The following CYB5R4 variants were observed in gnomAD, a reference collection of about 807,000 sequenced individuals.
CYB5R4 encodes N-terminal cytochrome b5 and cytochrome b5 oxidoreductase domain-containing protein.
Under a neutral mutation model 70.2 loss-of-function variants are expected in CYB5R4, and 55 were observed. The ratio of observed to expected loss-of-function variants is 0.78; its 90% CI spans 0.63 to 0.98. The LOEUF (loss-of-function observed/expected upper bound fraction) is 0.98. Ranked by LOEUF, CYB5R4 falls within the 50% of genes least tolerant of loss-of-function variation. The pLI is 0.00. For missense variants in CYB5R4, 562 were observed against 612.6 expected (o/e 0.92, Z 0.87); for synonymous variants, 197 against 199.5 (o/e 0.99, Z 0.11).
At chr6:83,872,331 C>T (rs1211186182) in intron 2 of CYB5R4, among the ~76,000 whole-genome samples, 2 of 152,056 alleles carry the variant, frequency 1.3e-5, no homozygotes, top group East Asian at 1.9e-4. Context: ...ATGCTATGTG[C>T]TAAGTGTTAA....
intron 2 of CYB5R4, among the ~76,000 whole-genome samples, chr6:83,876,531 A>C (rs1453852769): frequency 6.9e-6 from 1 of 144,230 alleles, no homozygotes; most frequent in Non-Finnish European, 1.5e-5. Context: ...CTAAGGGTTT[A>C]TGATATACAT....
intron 4 of CYB5R4, among the ~76,000 whole-genome samples, chr6:83,911,416 TG>T (rs1437106948): frequency 1.3e-5 from 2 of 152,068 alleles, no homozygotes; most frequent in Non-Finnish European, 2.9e-5. Flanking sequence ...GAATACAGAA[TG>T]GTAAATTTAG....
intron 10 of CYB5R4, among the ~76,000 whole-genome samples, chr6:83,932,619 G>A (rs951731887): frequency 1.5e-4 from 23 of 152,042 alleles, no homozygotes; most frequent in African/African-American, 4.8e-4. Context: ...GTATTGCAAG[G>A]CCACGAAGTA....
rs1475511252 is a variant in CYB5R4 at position 83,961,232 on chromosome 6, C to T, written c.*1354C>T. ...CCAATTCCACCATCATCATTATTCA[C>T]AAAGACAGGAATCTAGCTGTCCTGG... On this transcript the variant is annotated 3_prime_UTR_variant, in exon 16 of 16. Coordinates refer to ENST00000369681, the MANE Select transcript of CYB5R4 (RefSeq NM_016230.4). 1 of 152,188 alleles carries T rather than the reference C, an allele frequency of 6.6e-6. No individual in the cohort carries two copies. The highest frequency in any genetic ancestry group is 2.4e-5 in the African/African-American group (1 of 41,440). 9.4% of individuals were successfully genotyped at this position (152,188 alleles called of 1,614,324 possible). A position where few individuals can be genotyped will look rare whatever the true frequency, so the allele number is the denominator to read the frequency against.
chr6:83,864,427 A>G (rs925123391), intron 2 of CYB5R4, 99 bp downstream of exon 2: 63 of 1,111,448 alleles, frequency 5.7e-5, no homozygotes, highest in Admixed American at 1.1e-4. Context: ...ACAATTGACA[A>G]TTTAACAAAA....
rs771946005 is a variant in CYB5R4, at chr6:83,934,699, A to C, written c.919A>C (p.Ile307Leu). ...LPPSTHLQVP[I>L]GQHVYLKLPI... is the part of the protein sequence containing the mutation. ...ACCAAGCACTCATCTTCAAGTGCCC[A>C]TTGGGCAACATGTTTACCTCAAGCT... The change falls in exon 11 of 16, where the codon ATT becomes CTT. Residue 307 changes from isoleucine (I) to leucine (L), a missense_variant. Coordinates refer to ENST00000369681, the MANE Select transcript of CYB5R4 (RefSeq NM_016230.4). 1.9e-6 allele frequency: 3 copies of C among 1,613,580 alleles called. No individual in the cohort carries two copies. The highest frequency in any genetic ancestry group is 2.7e-5 in the African/African-American group (2 of 74,934).
chr6:83,859,689 G>T lies in CYB5R4; in HGVS notation c.-94G>T. ...CCTGGCGACCCCGGAAGTGGGTCGG[G>T]GGCTTGGCCTCTGCCCGGCCACAGA... On this transcript the variant is annotated 5_prime_UTR_variant, in exon 1 of 16. Transcript: ENST00000369681. 1 of 1,406,800 alleles carries T rather than the reference G, an allele frequency of 7.1e-7. No individual in the cohort carries two copies. Among genetic ancestry groups the T allele is most frequent in the East Asian group, 2.4e-5 (1 of 41,804 alleles). 87.1% of individuals were successfully genotyped at this position (1,406,800 alleles called of 1,614,324 possible).
At chr6:83,908,433 T>C (rs1307332630) in intron 3 of CYB5R4, among the ~76,000 whole-genome samples, 1 of 152,248 alleles carries the variant, frequency 6.6e-6, no homozygotes, top group Non-Finnish European at 1.5e-5. Flanking sequence ...GAAACCATCA[T>C]ACTTTGTAGC....
chr6:83,928,271 A>G (rs2099467639), intron 10 of CYB5R4, among the ~76,000 whole-genome samples: 1 of 152,250 alleles, frequency 6.6e-6, no homozygotes, highest in African/African-American at 2.4e-5. Flanking sequence ...GGAATGAAAC[A>G]GAGTATGGGA....
At chr6:83,936,644 G>A (rs930887942) in intron 12 of CYB5R4, among the ~76,000 whole-genome samples, 1 of 152,090 alleles carries the variant, frequency 6.6e-6, no homozygotes, top group African/African-American at 2.4e-5. Context: ...CCAGTCAGCC[G>A]CTAAGTTCTG....
At chr6:83,949,981 T>A (rs544186876) in intron 14 of CYB5R4, among the ~76,000 whole-genome samples, 16 of 152,320 alleles carry the variant, frequency 1.1e-4, no homozygotes, top group Middle Eastern at 3.4e-3. Flanking sequence ...GTGTAACATC[T>A]ATTATGTACC....
Position 83,869,402 on chromosome 6 carries a change from A to C in CYB5R4, c.229+5074A>C, listed in dbSNP as rs2099457229. On this transcript the variant is annotated intron_variant, in intron 2 of 15. Coordinates refer to ENST00000369681, the MANE Select transcript of CYB5R4 (RefSeq NM_016230.4). ...GTTCATAACCTCAAACTCAGTACTC[A>C]CAGTGTCTGTTATTCATTCAAAGAC... 2.0e-5 allele frequency among the ~76,000 whole-genome samples: 3 copies of C among 152,216 alleles called. No homozygotes were observed. The South Asian group carries it at 6.2e-4, about 31-fold the overall frequency.
chr6:83,951,038 A>G (rs2099471439), intron 14 of CYB5R4, among the ~76,000 whole-genome samples: 1 of 152,096 alleles, frequency 6.6e-6, no homozygotes, highest in Non-Finnish European at 1.5e-5. Flanking sequence ...CAGGATTGCT[A>G]CAAAATATCT....
chr6:83,924,345 C>A, intron 9 of CYB5R4, 125 bp from the exon 10 acceptor site: 1 of 851,072 alleles, frequency 1.2e-6, no homozygotes, highest in Non-Finnish European at 1.7e-6. Context: ...TCTTATTTAT[C>A]CCACTAATAA....
chr6:83,878,553 A>C (rs1040834709), intron 2 of CYB5R4, among the ~76,000 whole-genome samples: 2 of 152,080 alleles, frequency 1.3e-5, no homozygotes, highest in African/African-American at 4.8e-5. Flanking sequence ...TCACAGTGTT[A>C]GCCAGGATGG....
chr6:83,957,661 T>C lies in CYB5R4; in HGVS notation c.1512-2163T>C, dbSNP rs1463870865. ...AAAAAAAAAAATTGACCAGAACCTA[T>C]ATGGCTTTCTTTTCTCAGTTTTACC... is the stretch of plus-strand genomic sequence containing the variant. On this transcript the variant is annotated intron_variant, in intron 15 of 15. Transcript: ENST00000369681. Among the ~76,000 whole-genome samples the C allele has an allele frequency of 9.4e-5, 14 of 149,370 alleles. No homozygotes were observed. The East Asian group carries it at 2.7e-3, about 29-fold the overall frequency.
Position 83,859,737 on chromosome 6 carries a change from C to T in CYB5R4, c.-46C>T, listed in dbSNP as rs745968531. On this transcript the variant is annotated 5_prime_UTR_variant, in exon 1 of 16. Coordinates refer to ENST00000369681, the MANE Select transcript of CYB5R4 (RefSeq NM_016230.4). ...AGAGCCGGAGCTGGAGGTGCTGTCC[C>T]GTCTGGCGGCGATCCCCGGGCAGGG... is the stretch of plus-strand genomic sequence containing the variant. 9 of 1,598,920 alleles carry T rather than the reference C, an allele frequency of 5.6e-6. No individual in the cohort carries two copies. The highest frequency in any genetic ancestry group is 7.7e-6 in the Non-Finnish European group (9 of 1,169,852).
At position 83,941,576 on chromosome 6, in the gene CYB5R4, G is replaced by C. The variant is rs1000799486; in HGVS notation, c.1346+975G>C. Among the ~76,000 whole-genome samples the C allele has an allele frequency of 7.2e-5, 11 of 152,236 alleles. No homozygotes were observed. The South Asian group carries it at 2.3e-3, about 32-fold the overall frequency. Reference sequence around the variant, plus strand: ...CTCGAGGTTCTTCTGAATATTTTCTGAATGTCCATAATAAGAAAATGCTGT... The same window carrying C: ...CTCGAGGTTCTTCTGAATATTTTCTCAATGTCCATAATAAGAAAATGCTGT... On this transcript the variant is annotated intron_variant, in intron 14 of 15. Transcript: ENST00000369681.
intron 15 of CYB5R4, among the ~76,000 whole-genome samples, chr6:83,957,565 T>C (rs2099472616): frequency 7.3e-6 from 1 of 137,078 alleles, no homozygotes; most frequent in Admixed American, 8.6e-5. Context: ...AGGTTGGCAA[T>C]GAGCCAGGAT....
Sources: gnomAD v4.1 joint callset for allele counts (sites outside exome capture counted in the v4.1 genomes callset) on GRCh38, gnomAD v4.1.1 for gene constraint, MANE v1.5 for transcripts, NCBI Gene and HGNC (gene_info 2026-07-23, HGNC 2026-07-21) for gene names.